NR2F1-AS1: variants seen among roughly 807,000 people sequenced by gnomAD.
NR2F1-AS1 encodes NR2F1 antisense RNA 1.
chr5:93,530,257 T>A (rs951723102), intron 4 of NR2F1-AS1, among the ~76,000 whole-genome samples: 2 of 152,066 alleles, frequency 1.3e-5, no homozygotes, highest in Admixed American at 1.3e-4. Context: ...ATTTTTTGTA[T>A]TTTTAGTAGA....
rs76911177 is a variant in NR2F1-AS1 at position 93,466,075 on chromosome 5, TA to T, written n.639-70534del. Reference sequence around the variant, plus strand: ...GTACCCTAGAACTTAAAAGTATAATTAAAAAAAAAAAGATTGTTACTAGCTA... The same window carrying T: ...GTACCCTAGAACTTAAAAGTATAATTAAAAAAAAAAGATTGTTACTAGCTA... On this transcript the variant is annotated intron_variant and non_coding_transcript_variant, in intron 4 of 5. Coordinates refer to ENST00000660523, the Ensembl canonical transcript of NR2F1-AS1. 3.6e-3 allele frequency among the ~76,000 whole-genome samples: 522 copies of T among 144,784 alleles called. 2 individuals are homozygous for T. The highest frequency in any genetic ancestry group is 0.012 in the African/African-American group (470 of 39,714). 95.0% of individuals were successfully genotyped at this position (144,784 alleles called of 152,430 possible).
At chr5:93,517,188 A>G (rs1297689194) in intron 4 of NR2F1-AS1, among the ~76,000 whole-genome samples, 1 of 151,994 alleles carries the variant, frequency 6.6e-6, no homozygotes, top group East Asian at 1.9e-4. Context: ...AAATGGAATA[A>G]GTAATTGTTT....
At chr5:93,538,954 T>C (rs1371414189) in intron 4 of NR2F1-AS1, among the ~76,000 whole-genome samples, 3 of 152,170 alleles carry the variant, frequency 2.0e-5, no homozygotes, top group Non-Finnish European at 4.4e-5. Context: ...AGGATTACTG[T>C]ATATCCAAAG....
chr5:93,422,204 C>T (rs913214683), intron 4 of NR2F1-AS1: 1 of 152,252 alleles, frequency 6.6e-6, no homozygotes, highest in African/African-American at 2.4e-5. Flanking sequence ...TTCCCCACAT[C>T]AAAATTAGCA....
intron 4 of NR2F1-AS1, among the ~76,000 whole-genome samples, chr5:93,484,712 A>T (rs1750678836): frequency 6.6e-6 from 1 of 151,342 alleles, no homozygotes; most frequent in Non-Finnish European, 1.5e-5. Context: ...GACACATCTC[A>T]TGGGCAAAGA....
intron 1 of NR2F1-AS1, among the ~76,000 whole-genome samples, chr5:93,569,340 G>A (rs529851677): frequency 6.6e-6 from 1 of 152,262 alleles, no homozygotes; most frequent in Non-Finnish European, 1.5e-5. Flanking sequence ...ATCAGAAAGC[G>A]GGTTTAAAAA....
rs566144112 is a variant in NR2F1-AS1, at chr5:93,418,459, C to T, written n.639-22917G>A. On this transcript the variant is annotated intron_variant and non_coding_transcript_variant, in intron 4 of 5. Transcript: ENST00000660523. ...AAAATTAGCTGGGTGTGGTGGCATG[C>T]GCCTGTAGTCTCAGCTACTTGGGAG... Among the ~76,000 whole-genome samples the T allele has an allele frequency of 4.1e-4, 63 of 152,134 alleles. No individual in the cohort carries two copies. The South Asian group carries it at 0.01, about 25-fold the overall frequency.
chr5:93,414,194 TG>T (rs1342672414), intron 4 of NR2F1-AS1, among the ~76,000 whole-genome samples: 4 of 152,236 alleles, frequency 2.6e-5, no homozygotes, highest in African/African-American at 9.6e-5. Flanking sequence ...CAAAGTCCTA[TG>T]ATCTTTCATC....
chr5:93,499,994 GC>G (rs1162560851), intron 4 of NR2F1-AS1, among the ~76,000 whole-genome samples: 1 of 152,180 alleles, frequency 6.6e-6, no homozygotes, highest in East Asian at 1.9e-4. Context: ...AAGATTGGGA[GC>G]TAGCAGAGGT....
At chr5:93,562,195 A>AAAAAAAAAAAAG (rs755007063) in intron 2 of NR2F1-AS1, among the ~76,000 whole-genome samples, 3 of 136,654 alleles carry the variant, frequency 2.2e-5, no homozygotes, top group Non-Finnish European at 4.6e-5. Flanking sequence ...AAAAAAAAAA[A>AAAAAAAAAAAAG]AAAAGAAAAG....
At chr5:93,583,321 T>C (rs1482828690), upstream of NR2F1-AS1, 1 of 150,672 alleles carries the variant, frequency 6.6e-6, no homozygotes, top group Non-Finnish European at 1.5e-5. Context: ...TCTCTCTCTC[T>C]CTCCTCTCTC....
rs533494008 is a variant in NR2F1-AS1 at position 93,445,754 on chromosome 5, G to A, written n.639-50212C>T. On this transcript the variant is annotated intron_variant and non_coding_transcript_variant, in intron 4 of 5. Coordinates refer to ENST00000660523, the Ensembl canonical transcript of NR2F1-AS1. ...CTGGCAGAGACACAACAAAAAAAGA[G>A]AATTTTAGACCAATATCCCTGATGA... Among the ~76,000 whole-genome samples, 1,252 of 152,092 alleles carry A rather than the reference G, an allele frequency of 8.2e-3. 7 individuals carry two copies. Among genetic ancestry groups the A allele is most frequent in the Middle Eastern group, 0.014 (4 of 294 alleles).
At chr5:93,501,412 G>C (rs1751077390) in intron 4 of NR2F1-AS1, among the ~76,000 whole-genome samples, 2 of 147,262 alleles carry the variant, frequency 1.4e-5, no homozygotes, top group Admixed American at 1.4e-4. Context: ...GGAGTGCAGT[G>C]GTGCAATCTG....
intron 4 of NR2F1-AS1, among the ~76,000 whole-genome samples, chr5:93,450,460 GT>G (rs553461080): frequency 1.3e-5 from 2 of 152,224 alleles, no homozygotes; most frequent in South Asian, 4.1e-4. Flanking sequence ...TGGTAATTTG[GT>G]TTAAACTGAC....
At chr5:93,491,239 T>C (rs1750841627) in intron 4 of NR2F1-AS1, among the ~76,000 whole-genome samples, 1 of 151,016 alleles carries the variant, frequency 6.6e-6, no homozygotes. Context: ...GTTGTAGTTA[T>C]GGTGGTAGTG....
At chr5:93,432,185 T>C (rs960490243) in intron 4 of NR2F1-AS1, among the ~76,000 whole-genome samples, 5 of 152,168 alleles carry the variant, frequency 3.3e-5, no homozygotes, top group Admixed American at 1.3e-4. Flanking sequence ...CCTAGTCCAT[T>C]ATAAGAATAA....
chr5:93,490,609 AGTG>A (rs977486796), intron 4 of NR2F1-AS1, among the ~76,000 whole-genome samples: 28 of 104,540 alleles, frequency 2.7e-4, no homozygotes, highest in Non-Finnish European at 4.3e-4. Context: ...TGGCGGTGGC[AGTG>A]GTGGTGGTGG....
chr5:93,581,242 C>A, upstream of NR2F1-AS1: 1 of 152,496 alleles, frequency 6.6e-6, no homozygotes, highest in South Asian at 2.0e-4. Flanking sequence ...CCTCGCGAGT[C>A]GAGGGGCGGG....
chr5:93,507,298 A>G (rs1422185796), intron 4 of NR2F1-AS1, among the ~76,000 whole-genome samples: 1 of 152,060 alleles, frequency 6.6e-6, no homozygotes, highest in Non-Finnish European at 1.5e-5. Flanking sequence ...CTATACAGGA[A>G]ATCCTAACCA....
Sources: gnomAD v4.1 joint callset for allele counts (sites outside exome capture counted in the v4.1 genomes callset) on GRCh38, gnomAD v4.1.1 for gene constraint, MANE v1.5 for transcripts, NCBI Gene and HGNC (gene_info 2026-07-23, HGNC 2026-07-21) for gene names.